FAM193A: variants seen among roughly 807,000 people sequenced by gnomAD.
The protein encoded by FAM193A is protein FAM193A.
A neutral mutation model predicts 126.5 loss-of-function variants in FAM193A; 22 were observed. That is an observed-to-expected ratio of 0.17 (90% CI 0.12 to 0.25). FAM193A has a LOEUF of 0.25. FAM193A is among the 10% of genes least tolerant of loss of function. The pLI is 1.00. For missense variants in FAM193A, 1,675 were observed against 1,672.8 expected (o/e 1.00, Z -0.02); for synonymous variants, 761 against 646.8 (o/e 1.18, Z -2.68).
chr4:2,688,168 A>G (rs1715960383), intron 13 of FAM193A, among the ~76,000 whole-genome samples: 1 of 152,144 alleles, frequency 6.6e-6, no homozygotes, highest in African/African-American at 2.4e-5. Context: ...ACTGGGGGAG[A>G]AGGGCCAGGA....
intron 12 of FAM193A, among the ~76,000 whole-genome samples, chr4:2,668,634 C>T (rs1452861139): frequency 6.6e-6 from 1 of 152,136 alleles, no homozygotes; most frequent in Non-Finnish European, 1.5e-5. Flanking sequence ...CTATTATTGT[C>T]CTATATATAA....
At chr4:2,619,708 C>G (rs748806377) in intron 2 of FAM193A, among the ~76,000 whole-genome samples, 2 of 149,938 alleles carry the variant, frequency 1.3e-5, no homozygotes, top group Non-Finnish European at 3.0e-5. Flanking sequence ...TGTTTTGAGA[C>G]AATGTCTCTC....
intron 1 of FAM193A, among the ~76,000 whole-genome samples, chr4:2,571,480 A>G (rs1739288779): frequency 6.6e-6 from 1 of 151,954 alleles, no homozygotes; most frequent in Non-Finnish European, 1.5e-5. Flanking sequence ...GTCCTATTTT[A>G]TTTAAAGATG....
At position 2,549,337 on chromosome 4, in the gene FAM193A, G is replaced by A. The variant is rs116244696; in HGVS notation, c.255+12167G>A. ...ATCATGGTTTTGGTGTCATTTCTAA[G>A]ATCTCCATTTTAGCTCCAGGTTATG... On this transcript the variant is annotated intron_variant, in intron 1 of 20. Coordinates refer to ENST00000637812, the MANE Select transcript of FAM193A (RefSeq NM_001366318.2). Among the ~76,000 whole-genome samples the A allele has an allele frequency of 7.3e-3, 1,100 of 150,548 alleles. 24 individuals are homozygous for A. The highest frequency in any genetic ancestry group is 0.026 in the African/African-American group (1,052 of 41,054).
intron 1 of FAM193A, among the ~76,000 whole-genome samples, chr4:2,556,496 G>T (rs1426993580): frequency 1.3e-5 from 2 of 152,144 alleles, no homozygotes; most frequent in Non-Finnish European, 2.9e-5. Context: ...GAGCCACCAC[G>T]CCCGGCTGAG....
At chr4:2,669,244 C>A (rs1390760306) in intron 12 of FAM193A, among the ~76,000 whole-genome samples, 1 of 152,214 alleles carries the variant, frequency 6.6e-6, no homozygotes, top group Admixed American at 6.5e-5. Flanking sequence ...TTTTTACCTT[C>A]CTTTAATATG....
chr4:2,577,111 T>C (rs1004485310), intron 1 of FAM193A, among the ~76,000 whole-genome samples: 1 of 152,222 alleles, frequency 6.6e-6, no homozygotes, highest in African/African-American at 2.4e-5. Context: ...GAGAGTATTA[T>C]GGGGTCCGTG....
At chr4:2,711,701 C>A (rs1047623363) in intron 19 of FAM193A, among the ~76,000 whole-genome samples, 1 of 151,692 alleles carries the variant, frequency 6.6e-6, no homozygotes, top group Non-Finnish European at 1.5e-5. Flanking sequence ...GTAATCCCAG[C>A]ACTTTGGGAG....
In FAM193A at chr4:2,708,904, C is replaced by T. The variant is rs185158397; in HGVS notation, c.4373-7119C>T. Among the ~76,000 whole-genome samples the T allele has an allele frequency of 5.3e-5, 8 of 152,192 alleles. No individual in the cohort carries two copies. The East Asian group carries it at 1.4e-3, about 26-fold the overall frequency. Reference sequence around the variant, plus strand: ...TACTTCTACTTTTTCAATTCTTACGCCTCTAATTGTTGTCTTTTACTTAAC... The same window carrying T: ...TACTTCTACTTTTTCAATTCTTACGTCTCTAATTGTTGTCTTTTACTTAAC... On this transcript the variant is annotated intron_variant, in intron 19 of 20. Coordinates refer to ENST00000637812, the MANE Select transcript of FAM193A (RefSeq NM_001366318.2).
intron 1 of FAM193A, among the ~76,000 whole-genome samples, chr4:2,570,181 C>T (rs1283263058): frequency 3.3e-5 from 5 of 152,028 alleles, no homozygotes; most frequent in Non-Finnish European, 7.4e-5. Context: ...AGTGAATGTT[C>T]GTAGTCTCCA....
intron 2 of FAM193A, among the ~76,000 whole-genome samples, chr4:2,600,158 A>G (rs903082388): frequency 1.5e-4 from 23 of 152,150 alleles, no homozygotes; most frequent in African/African-American, 5.3e-4. Flanking sequence ...TTGGCCTCCC[A>G]AAGTGCTGGG....
In FAM193A at chr4:2,695,063, C is replaced by G. The variant is rs772049089; in HGVS notation, c.3210C>G (p.Thr1070=). 3.1e-6 allele frequency: 5 copies of G among 1,609,464 alleles called. No individual in the cohort carries two copies. In the East Asian group the frequency reaches 1.1e-4, roughly 36 times the overall value. Residue 1070 remains threonine, a synonymous_variant, in exon 17 of 21, where the codon ACC becomes ACG. Coordinates refer to ENST00000637812, the MANE Select transcript of FAM193A (RefSeq NM_001366318.2). ...SCSEHSSSTS[T]STNQKEGKYC... is the part of the protein sequence containing the mutation. ...CTGAGCACAGCTCCAGCACCTCGAC[C>G]TCCACCAACCAGAAGGAGGGCAAGT...
chr4:2,606,212 G>A (rs951841198), intron 2 of FAM193A, among the ~76,000 whole-genome samples: 2 of 151,352 alleles, frequency 1.3e-5, no homozygotes, highest in South Asian at 2.1e-4. Context: ...CACTGCGCCC[G>A]GCTAATTTTT....
At chr4:2,619,205 C>T (rs922199566) in intron 2 of FAM193A, among the ~76,000 whole-genome samples, 2 of 152,060 alleles carry the variant, frequency 1.3e-5, no homozygotes, top group Admixed American at 1.3e-4. Flanking sequence ...GTTTATTTTT[C>T]CTCTGTTTCT....
intron 19 of FAM193A, among the ~76,000 whole-genome samples, chr4:2,711,406 C>A (rs548790111): frequency 6.6e-6 from 1 of 151,886 alleles, no homozygotes; most frequent in South Asian, 2.1e-4. Context: ...GTGGCATGAT[C>A]TCGGCTCACT....
At chr4:2,637,630 C>T (rs1437100752) in intron 5 of FAM193A, among the ~76,000 whole-genome samples, 2 of 152,186 alleles carry the variant, frequency 1.3e-5, no homozygotes, top group Non-Finnish European at 2.9e-5. Context: ...GCCTTTCTGC[C>T]TCTAGCTCAG....
intron 10 of FAM193A, among the ~76,000 whole-genome samples, chr4:2,660,888 ACT>A (rs1226084786): frequency 3.6e-4 from 55 of 152,176 alleles, no homozygotes; most frequent in African/African-American, 9.4e-4. Context: ...AAACTCACTG[ACT>A]CTCTTCATAC....
At chr4:2,628,181 G>A (rs186873693) in intron 4 of FAM193A, among the ~76,000 whole-genome samples, 19 of 148,152 alleles carry the variant, frequency 1.3e-4, no homozygotes, top group South Asian at 5.0e-4. Flanking sequence ...ACCGCGCCCC[G>A]CCGGGAGTTT....
At chr4:2,596,003 T>A (rs1486738347) in intron 1 of FAM193A, 81 bp from the exon 2 acceptor site, 1 of 619,544 alleles carries the variant, frequency 1.6e-6, no homozygotes, top group African/African-American at 1.8e-5. Flanking sequence ...TGCATTTTAG[T>A]TTTAGAACTA....
Sources: allele counts gnomAD v4.1 joint callset (sites outside exome capture counted in the v4.1 genomes callset), GRCh38; gene constraint gnomAD v4.1.1; transcripts MANE v1.5; gene names NCBI Gene and HGNC (gene_info 2026-07-23, HGNC 2026-07-21).